The following ADGRL3 variants were observed in gnomAD, a reference collection of about 807,000 sequenced individuals.
ADGRL3 encodes the protein adhesion G protein-coupled receptor L3.
A neutral mutation model predicts 153.5 loss-of-function variants in ADGRL3; 62 were observed. The ratio of observed to expected loss-of-function variants is 0.40; its 90% confidence interval spans 0.33 to 0.50. The LOEUF is 0.50. Among genes scored for constraint, ADGRL3 ranks in the 20% least tolerant of loss-of-function variants. The pLI, the probability that ADGRL3 is intolerant of heterozygous loss-of-function variation, is 0.47. For synonymous variants in ADGRL3, 710 were observed against 672.5 expected (o/e 1.06, Z -0.86); for missense variants, 1,641 against 1,859.4 (o/e 0.88, Z 2.16).
intron 2 of ADGRL3, among the ~76,000 whole-genome samples, chr4:61,431,487 T>A (rs2097355175): frequency 6.6e-6 from 1 of 152,226 alleles, no homozygotes. Flanking sequence ...CTAGACCTGT[T>A]TATTACCACC....
At chr4:61,790,055 T>A (rs982519546) in intron 8 of ADGRL3, among the ~76,000 whole-genome samples, 5 of 152,192 alleles carry the variant, frequency 3.3e-5, no homozygotes, top group Non-Finnish European at 5.9e-5. Context: ...AGAGATCCTT[T>A]CTGTAACTTT....
At chr4:61,793,850 A>G (rs1197319344) in intron 8 of ADGRL3, among the ~76,000 whole-genome samples, 1 of 152,174 alleles carries the variant, frequency 6.6e-6, no homozygotes, top group African/African-American at 2.4e-5. Context: ...GCCAAAAACA[A>G]ATGTGTAGTC....
intron 17 of ADGRL3, among the ~76,000 whole-genome samples, chr4:61,965,471 C>T (rs1020389205): frequency 2.6e-5 from 4 of 152,038 alleles, no homozygotes; most frequent in South Asian, 4.2e-4. Context: ...CATTTGAGGC[C>T]GGGAACGGTG....
At chr4:61,933,491 C>T (rs2098826284) in intron 13 of ADGRL3, among the ~76,000 whole-genome samples, 1 of 151,960 alleles carries the variant, frequency 6.6e-6, no homozygotes, top group African/African-American at 2.4e-5. Flanking sequence ...TCGTGAGAGA[C>T]TTTTTCGATT....
At chr4:61,793,781 C>A in intron 8 of ADGRL3, among the ~76,000 whole-genome samples, 1 of 152,164 alleles carries the variant, frequency 6.6e-6, no homozygotes, top group South Asian at 2.1e-4. Context: ...ATCCCTATTG[C>A]TTTTTTTATA....
At chr4:61,869,747 T>A (rs1158804887) in intron 9 of ADGRL3, among the ~76,000 whole-genome samples, 1 of 151,126 alleles carries the variant, frequency 6.6e-6, no homozygotes, top group African/African-American at 2.4e-5. Flanking sequence ...GAGACCAGCC[T>A]GACCAACATG....
intron 15 of ADGRL3, among the ~76,000 whole-genome samples, chr4:61,939,561 C>A (rs2098866703): frequency 6.6e-6 from 1 of 152,042 alleles, no homozygotes; most frequent in South Asian, 2.1e-4. Flanking sequence ...CCTCCACCTC[C>A]CGGATTCAAG....
chr4:61,432,578 CTTTCTTTCTTTCTTTCTTTCTTTCTTT>C, intron 2 of ADGRL3, among the ~76,000 whole-genome samples: 1 of 3,144 alleles, frequency 3.2e-4, no homozygotes, highest in African/African-American at 8.5e-4. Context: ...CTCTTCCTTT[CTTTCTTTCTTTCTTTCTTTCTTTCTTT>C]CTTTCTTTCT....
At chr4:61,912,681 TC>T in intron 12 of ADGRL3, 37 bp from the exon 13 acceptor site, 1 of 1,599,196 alleles carries the variant, frequency 6.3e-7, no homozygotes, top group Non-Finnish European at 8.6e-7. Context: ...ACTTGTTTTT[TC>T]TATTCTGTGT....
chr4:61,536,575 A>G (rs894045582), intron 4 of ADGRL3, among the ~76,000 whole-genome samples: 5 of 152,066 alleles, frequency 3.3e-5, no homozygotes, highest in Admixed American at 6.6e-5. Context: ...TTGGGTGCAT[A>G]TATATTAATA....
At chr4:61,713,681 G>A (rs1449948516) in intron 6 of ADGRL3, among the ~76,000 whole-genome samples, 4 of 151,818 alleles carry the variant, frequency 2.6e-5, no homozygotes, top group Non-Finnish European at 5.9e-5. Flanking sequence ...TTGCTAAGAT[G>A]TACTTTAAAA....
chr4:61,340,870 A>G (rs1006363803), intron 1 of ADGRL3, among the ~76,000 whole-genome samples: 1 of 151,708 alleles, frequency 6.6e-6, no homozygotes, highest in East Asian at 1.9e-4. Context: ...ATAGAACCAT[A>G]TACCAATATA....
intron 17 of ADGRL3, among the ~76,000 whole-genome samples, chr4:61,957,957 TG>T (rs1210224572): frequency 2.0e-5 from 3 of 152,182 alleles, no homozygotes; most frequent in African/African-American, 7.2e-5. Context: ...GTTTCACAAA[TG>T]TTACTAATTT....
At chr4:61,434,831 G>A (rs2097424413) in intron 2 of ADGRL3, among the ~76,000 whole-genome samples, 1 of 151,932 alleles carries the variant, frequency 6.6e-6, no homozygotes. Context: ...GATATAATTT[G>A]TAAAAATTAA....
chr4:61,750,810 A>AAAAAAAAAAAAAAAAAAAG (rs746270309), intron 8 of ADGRL3, among the ~76,000 whole-genome samples: 1 of 147,094 alleles, frequency 6.8e-6, no homozygotes, highest in African/African-American at 2.7e-5. Context: ...AAAAAAAAAA[A>AAAAAAAAAAAAAAAAAAAG]AAGTCAAAGC....
intron 2 of ADGRL3, among the ~76,000 whole-genome samples, chr4:61,423,627 C>T (rs999055381): frequency 6.6e-6 from 1 of 152,026 alleles, no homozygotes; most frequent in Non-Finnish European, 1.5e-5. Context: ...CGGATTAGGG[C>T]CAGTAATGCC....
At position 61,987,964 on chromosome 4, in the gene ADGRL3, AATTAT is replaced by A. The variant is rs1170953805; in HGVS notation, c.3236+4366_3236+4370del. On this transcript the variant is annotated intron_variant, in intron 19 of 26. Coordinates refer to ENST00000683033, the MANE Select transcript of ADGRL3 (RefSeq NM_001387552.1). Reference sequence around the variant, plus strand: ...TACCTTACATTTCTAAAATTTAGAGAATTATATTAATGGTACGAGATAAAATTAGA... The same window carrying A: ...TACCTTACATTTCTAAAATTTAGAGAATTAATGGTACGAGATAAAATTAGA... Among the ~76,000 whole-genome samples the A allele has an allele frequency of 8.5e-5, 13 of 152,196 alleles. No homozygotes were observed. In the East Asian group the frequency reaches 2.3e-3, roughly 27 times the overall value.
intron 3 of ADGRL3, 108 bp from the exon 4 acceptor site, chr4:61,517,207 C>T: frequency 1.5e-6 from 1 of 646,052 alleles, no homozygotes. Context: ...AGTCTTGGGC[C>T]TATAGCCGGC....
intron 1 of ADGRL3, among the ~76,000 whole-genome samples, chr4:61,208,339 C>T (rs1008890099): frequency 5.9e-5 from 9 of 152,056 alleles, no homozygotes; most frequent in African/African-American, 1.9e-4. Flanking sequence ...AACAATTGTA[C>T]CAAATTCACA....
Sources: allele counts gnomAD v4.1 joint callset (sites outside exome capture counted in the v4.1 genomes callset), GRCh38; gene constraint gnomAD v4.1.1; transcripts MANE v1.5; gene names NCBI Gene and HGNC (gene_info 2026-07-23, HGNC 2026-07-21).